Variants in CNTNAP2 observed in about 807,000 individuals in gnomAD.
CNTNAP2 encodes contactin-associated protein-like 2.
In CNTNAP2, 98 loss-of-function variants were observed where a neutral mutation model predicts 155.2. The ratio of observed to expected loss-of-function variants is 0.63; its 90% CI spans 0.54 to 0.75. CNTNAP2 has a LOEUF of 0.75. Among genes scored for constraint, CNTNAP2 ranks in the 30% least tolerant of loss-of-function variants. CNTNAP2 has a pLI of 0.00. For synonymous variants in CNTNAP2, 651 were observed against 631.2 expected (o/e 1.03, Z -0.47); for missense variants, 1,727 against 1,688.1 (o/e 1.02, Z -0.40).
chr7:147,993,450 G>C (rs938622250), intron 15 of CNTNAP2, among the ~76,000 whole-genome samples: 12 of 152,192 alleles, frequency 7.9e-5, no homozygotes, highest in African/African-American at 2.9e-4. Context: ...TTAAGTCTGA[G>C]TGTTTTCTTT....
At chr7:147,619,360 A>G (rs1014038036) in intron 12 of CNTNAP2, among the ~76,000 whole-genome samples, 2 of 152,238 alleles carry the variant, frequency 1.3e-5, no homozygotes, top group African/African-American at 4.8e-5. Context: ...GAAAATCTGT[A>G]GAGTGTAAAT....
At chr7:146,953,017 A>C (rs1167872275) in intron 3 of CNTNAP2, among the ~76,000 whole-genome samples, 1 of 152,102 alleles carries the variant, frequency 6.6e-6, no homozygotes, top group Non-Finnish European at 1.5e-5. Context: ...TATTATATTC[A>C]GTGAGAATGA....
At chr7:146,823,546 C>T (rs1037643065) in intron 2 of CNTNAP2, among the ~76,000 whole-genome samples, 2 of 142,522 alleles carry the variant, frequency 1.4e-5, no homozygotes, top group African/African-American at 5.5e-5. Flanking sequence ...GAAATATACT[C>T]ATTCTTCAGT....
intron 12 of CNTNAP2, among the ~76,000 whole-genome samples, chr7:147,568,064 C>T (rs1286124595): frequency 6.6e-6 from 1 of 151,890 alleles, no homozygotes; most frequent in East Asian, 1.9e-4. Flanking sequence ...GCAGCCTGGG[C>T]AACACAGCGA....
chr7:146,596,620 A>AT (rs1368479785), intron 1 of CNTNAP2, among the ~76,000 whole-genome samples: 1 of 150,808 alleles, frequency 6.6e-6, no homozygotes, highest in Non-Finnish European at 1.5e-5. Context: ...AGAGAGAGAG[A>AT]GAGAGAGAGA....
chr7:146,917,299 A>C (rs1356240482), intron 3 of CNTNAP2, among the ~76,000 whole-genome samples: 1 of 152,136 alleles, frequency 6.6e-6, no homozygotes, highest in Non-Finnish European at 1.5e-5. Context: ...GTTGGTTAGA[A>C]TGTTCTGTAA....
At chr7:146,929,253 T>A (rs1796689559) in intron 3 of CNTNAP2, among the ~76,000 whole-genome samples, 1 of 152,232 alleles carries the variant, frequency 6.6e-6, no homozygotes, top group East Asian at 1.9e-4. Context: ...TCCAGAGGAA[T>A]GATCAGACAG....
chr7:146,746,300 G>A (rs1248380605), intron 1 of CNTNAP2, among the ~76,000 whole-genome samples: 1 of 152,086 alleles, frequency 6.6e-6, no homozygotes, highest in Admixed American at 6.6e-5. Flanking sequence ...AATAAGAAAA[G>A]TATTTTGTTT....
chr7:148,339,682 C>T (rs1423992837), intron 21 of CNTNAP2: 1 of 152,334 alleles, frequency 6.6e-6, no homozygotes, highest in Admixed American at 6.5e-5. Context: ...CCTCCCGGTG[C>T]AAGTGTTGCA....
At chr7:146,707,826 A>G (rs904014781) in intron 1 of CNTNAP2, among the ~76,000 whole-genome samples, 9 of 152,178 alleles carry the variant, frequency 5.9e-5, no homozygotes, top group African/African-American at 1.9e-4. Context: ...TAATCCTTCA[A>G]AGGTTAACTC....
At chr7:147,301,079 G>A (rs1002293221) in intron 9 of CNTNAP2, among the ~76,000 whole-genome samples, 14 of 152,096 alleles carry the variant, frequency 9.2e-5, no homozygotes, top group African/African-American at 3.4e-4. Context: ...TAAAGGAAGG[G>A]GATTTCACAA....
intron 1 of CNTNAP2, among the ~76,000 whole-genome samples, chr7:146,182,294 C>T (rs1467943886): frequency 6.6e-6 from 1 of 152,096 alleles, no homozygotes; most frequent in Non-Finnish European, 1.5e-5. Context: ...GTCCAATAAT[C>T]TTTCCTCTAA....
intron 2 of CNTNAP2, among the ~76,000 whole-genome samples, chr7:146,789,244 C>T (rs1802630260): frequency 6.6e-6 from 1 of 152,164 alleles, no homozygotes; most frequent in Non-Finnish European, 1.5e-5. Flanking sequence ...CTCCACTTGT[C>T]TTCCCTGACT....
At chr7:146,624,963 C>G (rs1799395028) in intron 1 of CNTNAP2, among the ~76,000 whole-genome samples, 1 of 151,578 alleles carries the variant, frequency 6.6e-6, no homozygotes, top group African/African-American at 2.4e-5. Context: ...TTATGTAGGT[C>G]CAGAAGACAA....
intron 1 of CNTNAP2, among the ~76,000 whole-genome samples, chr7:146,512,906 A>T (rs1194091100): frequency 6.6e-6 from 1 of 151,860 alleles, no homozygotes; most frequent in African/African-American, 2.4e-5. Context: ...TTGTACTATT[A>T]TTTTATTGTG....
chr7:146,720,914 T>A (rs1325026855), intron 1 of CNTNAP2, among the ~76,000 whole-genome samples: 1 of 138,216 alleles, frequency 7.2e-6, no homozygotes. Flanking sequence ...ATATATATAC[T>A]CTCTATATAT....
At chr7:147,568,539 T>A (rs1800220680) in intron 12 of CNTNAP2, among the ~76,000 whole-genome samples, 1 of 152,186 alleles carries the variant, frequency 6.6e-6, no homozygotes, top group African/African-American at 2.4e-5. Flanking sequence ...AGCCAAAGCC[T>A]GGTTTCTTTT....
intron 3 of CNTNAP2, among the ~76,000 whole-genome samples, chr7:146,911,280 A>G (rs1224819879): frequency 1.3e-5 from 2 of 152,070 alleles, no homozygotes; most frequent in Non-Finnish European, 1.5e-5. Context: ...TAGAAATACC[A>G]TTTGACCCAG....
intron 8 of CNTNAP2, among the ~76,000 whole-genome samples, chr7:147,287,569 G>A (rs1017648787): frequency 1.3e-5 from 2 of 151,930 alleles, no homozygotes; most frequent in African/African-American, 4.8e-5. Context: ...TCTCTTTTCT[G>A]TGTCAAGTCT....
Sources: gnomAD v4.1 joint callset for allele counts (sites outside exome capture counted in the v4.1 genomes callset) on GRCh38, gnomAD v4.1.1 for gene constraint, MANE v1.5 for transcripts, NCBI Gene and HGNC (gene_info 2026-07-23, HGNC 2026-07-21) for gene names.